CWC27: variants seen among roughly 807,000 people sequenced by gnomAD.
The protein encoded by CWC27 is spliceosome-associated protein CWC27 homolog.
CWC27 carries 47 observed loss-of-function variants against 63.6 expected under a neutral mutation model. The ratio of observed to expected loss-of-function variants is 0.74; its 90% CI spans 0.58 to 0.94. CWC27 has a LOEUF of 0.94. Among genes scored for constraint, CWC27 ranks in the 40% least tolerant of loss-of-function variants. The pLI, the probability that CWC27 is intolerant of heterozygous loss-of-function variation, is 0.00. For missense variants in CWC27, 495 were observed against 554.3 expected (o/e 0.89, Z 1.07); for synonymous variants, 175 against 179.8 (o/e 0.97, Z 0.22).
At chr5:64,815,357 C>T (rs1270319952) in intron 10 of CWC27, among the ~76,000 whole-genome samples, 2 of 152,172 alleles carry the variant, frequency 1.3e-5, no homozygotes, top group Non-Finnish European at 2.9e-5. Context: ...AAATGTGCTA[C>T]TCTCATGGCA....
intron 11 of CWC27, among the ~76,000 whole-genome samples, chr5:64,950,019 T>G (rs1216211735): frequency 6.6e-6 from 1 of 151,998 alleles, no homozygotes; most frequent in Non-Finnish European, 1.5e-5. Flanking sequence ...GAATACCAGA[T>G]CTTGAAGACA....
intron 10 of CWC27, among the ~76,000 whole-genome samples, chr5:64,878,977 A>G (rs989558645): frequency 6.6e-6 from 1 of 151,950 alleles, no homozygotes; most frequent in Non-Finnish European, 1.5e-5. Flanking sequence ...GGTATGTGTT[A>G]TAAAATGAAT....
intron 13 of CWC27, among the ~76,000 whole-genome samples, chr5:65,001,589 T>G (rs1428174491): frequency 6.6e-6 from 1 of 152,178 alleles, no homozygotes; most frequent in African/African-American, 2.4e-5. Context: ...ACAATTTTGG[T>G]TCTTCATTCT....
chr5:64,834,592 G>A (rs1372851033), intron 10 of CWC27, among the ~76,000 whole-genome samples: 5 of 151,714 alleles, frequency 3.3e-5, no homozygotes, highest in Non-Finnish European at 1.5e-5. Context: ...CAAAAAGAAA[G>A]TGGAGCGATT....
At chr5:64,844,338 G>A (rs1745919434) in intron 10 of CWC27, among the ~76,000 whole-genome samples, 1 of 152,210 alleles carries the variant, frequency 6.6e-6, no homozygotes, top group Non-Finnish European at 1.5e-5. Context: ...GTTCCTGACA[G>A]CTGTGATGCC....
chr5:64,883,565 G>A (rs555885017), intron 10 of CWC27, among the ~76,000 whole-genome samples: 5 of 152,088 alleles, frequency 3.3e-5, no homozygotes, highest in Non-Finnish European at 7.4e-5. Flanking sequence ...GCCTGACTGG[G>A]ATAGAATTCT....
intron 6 of CWC27, 32 bp from the exon 7 acceptor site, chr5:64,788,919 C>CTTT: frequency 1.6e-6 from 2 of 1,240,814 alleles, no homozygotes; most frequent in South Asian, 1.5e-5. Context: ...CTTTCTCTTT[C>CTTT]TTTTTTTTTT....
chr5:65,004,903 TATAC>T (rs1260185642), intron 13 of CWC27, among the ~76,000 whole-genome samples: 7 of 59,722 alleles, frequency 1.2e-4, no homozygotes, highest in African/African-American at 3.5e-4. Flanking sequence ...TATATATATA[TATAC>T]ATACACACAC....
At chr5:64,932,841 C>T (rs1748265604) in intron 11 of CWC27, among the ~76,000 whole-genome samples, 1 of 152,162 alleles carries the variant, frequency 6.6e-6, no homozygotes, top group African/African-American at 2.4e-5. Flanking sequence ...CCTTTTTTGA[C>T]AGTATAATAA....
chr5:64,795,711 G>A (rs1265069231), intron 7 of CWC27, among the ~76,000 whole-genome samples: 1 of 152,090 alleles, frequency 6.6e-6, no homozygotes, highest in Non-Finnish European at 1.5e-5. Context: ...GATAATCCAG[G>A]ATAATGTCCC....
intron 13 of CWC27, among the ~76,000 whole-genome samples, chr5:64,977,606 C>T (rs763570181): frequency 1.2e-4 from 18 of 152,174 alleles, no homozygotes; most frequent in Admixed American, 2.0e-4. Flanking sequence ...TAATTTCTCA[C>T]ATTTTCCCAC....
At chr5:64,902,286 C>G (rs1747527238) in intron 11 of CWC27, among the ~76,000 whole-genome samples, 1 of 152,116 alleles carries the variant, frequency 6.6e-6, no homozygotes. Context: ...ATTATCATGG[C>G]TACAGTGTCA....
At chr5:64,982,718 T>C (rs1393707651) in intron 13 of CWC27, among the ~76,000 whole-genome samples, 2 of 152,164 alleles carry the variant, frequency 1.3e-5, no homozygotes, top group Non-Finnish European at 2.9e-5. Flanking sequence ...GTTAGCTAAA[T>C]GAACTTAGCC....
intron 10 of CWC27, among the ~76,000 whole-genome samples, chr5:64,863,171 A>AT (rs1180483997): frequency 1.3e-5 from 2 of 151,860 alleles, no homozygotes; most frequent in African/African-American, 4.8e-5. Context: ...GACTTGTTAG[A>AT]TTTTTTTCTA....
chr5:64,776,175 A>G (rs1329321092), intron 2 of CWC27, among the ~76,000 whole-genome samples: 2 of 151,378 alleles, frequency 1.3e-5, no homozygotes, highest in East Asian at 3.9e-4. Flanking sequence ...GCAGGCAGGA[A>G]GGAAATAGAG....
At chr5:64,870,046 G>A (rs575132569) in intron 10 of CWC27, among the ~76,000 whole-genome samples, 15 of 152,190 alleles carry the variant, frequency 9.9e-5, no homozygotes, top group Middle Eastern at 3.4e-3. Context: ...TAGTGGCATA[G>A]TGGCCATATG....
intron 11 of CWC27, among the ~76,000 whole-genome samples, chr5:64,944,638 T>G (rs1748552366): frequency 6.6e-6 from 1 of 152,140 alleles, no homozygotes; most frequent in Non-Finnish European, 1.5e-5. Flanking sequence ...TTGGAATCGT[T>G]TTTTGTTCCC....
At chr5:64,907,993 G>T (rs1691103105) in intron 11 of CWC27, among the ~76,000 whole-genome samples, 1 of 152,124 alleles carries the variant, frequency 6.6e-6, no homozygotes, top group African/African-American at 2.4e-5. Context: ...GTCGATTTTA[G>T]ATCTTTCCTG....
chr5:64,849,718 A>G (rs1746083679), intron 10 of CWC27, among the ~76,000 whole-genome samples: 1 of 152,000 alleles, frequency 6.6e-6, no homozygotes, highest in South Asian at 2.1e-4. Flanking sequence ...GGGTGATAGG[A>G]TCATGGGGGA....
Sources: allele counts gnomAD v4.1 joint callset (sites outside exome capture counted in the v4.1 genomes callset), GRCh38; gene constraint gnomAD v4.1.1; transcripts MANE v1.5; gene names NCBI Gene and HGNC (gene_info 2026-07-23, HGNC 2026-07-21).